CADPS: variants seen among roughly 807,000 people sequenced by gnomAD.
CADPS encodes calcium-dependent secretion activator 1.
A neutral mutation model predicts 167.3 loss-of-function variants in CADPS; 57 were observed. The observed-to-expected ratio is 0.34, with a 90% CI of 0.28 to 0.42. The LOEUF (loss-of-function observed/expected upper bound fraction) is 0.42, where lower values mean the gene tolerates loss of function less well. Ranked by LOEUF, CADPS falls within the 20% of genes least tolerant of loss-of-function variation. CADPS has a pLI of 1.00. For missense variants in CADPS, 1,414 were observed against 1,738.1 expected (o/e 0.81, Z 3.32); for synonymous variants, 676 against 635.3 (o/e 1.06, Z -0.96).
chr3:62,659,820 C>A (rs2072721206), intron 4 of CADPS, among the ~76,000 whole-genome samples: 1 of 152,180 alleles, frequency 6.6e-6, no homozygotes, highest in Non-Finnish European at 1.5e-5. Context: ...GGGCCACTGG[C>A]ATGAACGAAC....
chr3:62,855,165 G>T (rs2153135568), intron 1 of CADPS, among the ~76,000 whole-genome samples: 1 of 145,338 alleles, frequency 6.9e-6, no homozygotes, highest in East Asian at 2.1e-4. Context: ...GGCTGATCTG[G>T]AACTCCTGAC....
chr3:62,539,229 T>G (rs2075286436), intron 11 of CADPS, among the ~76,000 whole-genome samples: 1 of 152,120 alleles, frequency 6.6e-6, no homozygotes, highest in African/African-American at 2.4e-5. Context: ...ATCAGTTGCC[T>G]TCTGTGTAAG....
At chr3:62,611,121 C>T (rs953073074) in intron 6 of CADPS, among the ~76,000 whole-genome samples, 12 of 152,152 alleles carry the variant, frequency 7.9e-5, no homozygotes, top group African/African-American at 2.9e-4. Context: ...GACCACCCCA[C>T]TGTCTCATAG....
intron 3 of CADPS, among the ~76,000 whole-genome samples, chr3:62,675,970 T>C (rs2076277857): frequency 2.1e-5 from 3 of 146,314 alleles, no homozygotes; most frequent in Non-Finnish European, 3.0e-5. Flanking sequence ...CCCCAATTAC[T>C]GTAAAATCTC....
chr3:62,491,290 C>T (rs760166330), intron 21 of CADPS, 49 bp downstream of exon 21: 1 of 1,591,882 alleles, frequency 6.3e-7, no homozygotes, highest in Non-Finnish European at 8.6e-7. Flanking sequence ...GTATTACTCT[C>T]CAGCCATTTG....
At chr3:62,605,544 T>C (rs1446782614) in intron 6 of CADPS, among the ~76,000 whole-genome samples, 9 of 152,302 alleles carry the variant, frequency 5.9e-5, no homozygotes, top group Middle Eastern at 3.4e-3. Context: ...AAGTTCTTAA[T>C]ACAAAGCAGT....
intron 1 of CADPS, among the ~76,000 whole-genome samples, chr3:62,873,729 T>C (rs1437115229): frequency 6.6e-6 from 1 of 151,692 alleles, no homozygotes; most frequent in African/African-American, 2.4e-5. Context: ...TTTGCAGCTG[T>C]ACTTTATCAA....
rs777368678 is a variant in CADPS at position 62,753,510 on chromosome 3, G to A, written c.819C>T (p.Leu273=). The A allele has an allele frequency of 8.1e-6, 13 of 1,614,106 alleles. No individual in the cohort carries two copies. The highest frequency in any genetic ancestry group is 1.7e-6 in the Non-Finnish European group (2 of 1,180,026). ...CAAGAATGTTCTGGAACATCTCATA[G>A]AGTTGCTCCTTGCTCAGAATCAGCT... is the stretch of plus-strand genomic sequence containing the variant. ...ASELILSKEQ[L]YEMFQNILGI... is the part of the protein sequence containing the mutation. Residue 273 remains leucine (L), a synonymous_variant, in exon 3 of 30, where the codon CTC becomes CTT. Transcript: ENST00000383710. The surrounding 1 kb of genome is among the most constrained non-coding windows in gnomAD (Gnocchi z 4.6).
chr3:62,764,947 G>A (rs1476922424), intron 2 of CADPS, among the ~76,000 whole-genome samples: 1 of 152,196 alleles, frequency 6.6e-6, no homozygotes, highest in Non-Finnish European at 1.5e-5. Flanking sequence ...CATATCATAA[G>A]CTTTCAGTGC....
intron 1 of CADPS, among the ~76,000 whole-genome samples, chr3:62,809,511 A>T (rs1463599348): frequency 1.3e-5 from 2 of 152,106 alleles, no homozygotes; most frequent in Non-Finnish European, 2.9e-5. Context: ...ATCTCATGTG[A>T]CTGTTTCCTT....
chr3:62,618,674 C>T (rs1351424574), intron 6 of CADPS, among the ~76,000 whole-genome samples: 1 of 152,138 alleles, frequency 6.6e-6, no homozygotes, highest in Non-Finnish European at 1.5e-5. Context: ...TTCTCAGAGG[C>T]TGATATTTTG....
At chr3:62,518,350 C>T (rs2069518061) in intron 13 of CADPS, 100 bp from the exon 14 acceptor site, 3 of 832,278 alleles carry the variant, frequency 3.6e-6, no homozygotes, top group Non-Finnish European at 5.7e-6. Flanking sequence ...GAAGAAACAA[C>T]TACAGTGATC....
intron 1 of CADPS, among the ~76,000 whole-genome samples, chr3:62,770,178 T>C (rs2088222523): frequency 6.6e-6 from 1 of 152,162 alleles, no homozygotes; most frequent in Non-Finnish European, 1.5e-5. Context: ...CTCTTCTGGT[T>C]TTCCCCATGG....
At chr3:62,414,502 T>G (rs991703981) in intron 28 of CADPS, among the ~76,000 whole-genome samples, 1 of 152,244 alleles carries the variant, frequency 6.6e-6, no homozygotes, top group Non-Finnish European at 1.5e-5. Context: ...AATCATGTAT[T>G]TCTTAAATGC....
chr3:62,637,509 T>C (rs1248459280), intron 6 of CADPS, among the ~76,000 whole-genome samples: 1 of 152,216 alleles, frequency 6.6e-6, no homozygotes, highest in African/African-American at 2.4e-5. Flanking sequence ...GTGGGTCGAA[T>C]TATGCCTGCT....
At chr3:62,454,067 C>G (rs1241197537) in intron 26 of CADPS, among the ~76,000 whole-genome samples, 1 of 152,056 alleles carries the variant, frequency 6.6e-6, no homozygotes, top group African/African-American at 2.4e-5. Context: ...CACTGGCTTT[C>G]AAAATTTGAT....
At chr3:62,710,512 G>T (rs557228813) in intron 3 of CADPS, among the ~76,000 whole-genome samples, 1 of 152,056 alleles carries the variant, frequency 6.6e-6, no homozygotes, top group African/African-American at 2.4e-5. Flanking sequence ...TTTATATATG[G>T]ATCCACACAT....
chr3:62,436,635 G>A (rs2055120640), intron 28 of CADPS, among the ~76,000 whole-genome samples: 1 of 152,192 alleles, frequency 6.6e-6, no homozygotes, highest in Non-Finnish European at 1.5e-5. Flanking sequence ...CATGTATGAG[G>A]CATTCTCAGT....
In CADPS at chr3:62,874,812, C is replaced by A; in HGVS notation, c.218G>T (p.Gly73Val). Reference sequence around the variant, plus strand: ...GCTGGGTTGCAGCCCCCCGGCCCCGCCGCCGCTGCTCGCGCCGCTGCCCCC... The same window carrying A: ...GCTGGGTTGCAGCCCCCCGGCCCCGACGCCGCTGCTCGCGCCGCTGCCCCC... ...GGGGSGASSG[G>V]GAGGLQPSSR... Residue 73 changes from glycine (G) to valine (V), a missense_variant, in exon 1 of 30, where the codon GGC becomes GTC. Transcript: ENST00000383710. The surrounding 1 kb of genome is among the most constrained non-coding windows in gnomAD (Gnocchi z 7.1). 8.8e-7 allele frequency: 1 copy of A among 1,133,412 alleles called. No individual in the cohort carries two copies. The highest frequency in any genetic ancestry group is 3.2e-5 in the South Asian group (1 of 31,332). 70.2% of individuals were successfully genotyped at this position (1,133,412 alleles called of 1,614,324 possible). A position where few individuals can be genotyped will look rare whatever the true frequency, so the allele number is the denominator to read the frequency against.
Sources: gnomAD v4.1 joint callset for allele counts (sites outside exome capture counted in the v4.1 genomes callset) on GRCh38, gnomAD v4.1.1 for gene constraint, Gnocchi (gnomAD v3.1) non-coding constraint, MANE v1.5 for transcripts, NCBI Gene and HGNC (gene_info 2026-07-23, HGNC 2026-07-21) for gene names.